Variants in BRAP observed in about 807,000 individuals in gnomAD.
The protein encoded by BRAP is BRCA1-associated protein.
A neutral mutation model predicts 73.4 loss-of-function variants in BRAP; 42 were observed. The ratio of observed to expected loss-of-function variants is 0.57; its 90% CI spans 0.45 to 0.74. The LOEUF (loss-of-function observed/expected upper bound fraction) is 0.74, where lower values mean the gene tolerates loss of function less well. Among genes scored for constraint, BRAP ranks in the 30% least tolerant of loss-of-function variants. The pLI, the probability that BRAP is intolerant of heterozygous loss-of-function variation, is 0.00. For synonymous variants in BRAP, 255 were observed against 267.4 expected, an observed-to-expected ratio of 0.95 and a Z score of 0.45; for missense variants, 593 against 751.4, an observed-to-expected ratio of 0.79 and a Z score of 2.46.
intron 2 of BRAP, 110 bp from the exon 3 acceptor site, chr12:111,681,945 C>T: frequency 3.1e-6 from 3 of 980,242 alleles, no homozygotes; most frequent in African/African-American, 3.3e-5. Context: ...AGAGTAATTA[C>T]AATGTAATGC....
intron 10 of BRAP, among the ~76,000 whole-genome samples, chr12:111,653,410 G>A (rs1886398789): frequency 6.6e-6 from 1 of 152,260 alleles, no homozygotes; most frequent in East Asian, 1.9e-4. Context: ...AATGGAGCTA[G>A]ACATCCACAA....
At chr12:111,673,604 T>A (rs1488223119) in intron 4 of BRAP, among the ~76,000 whole-genome samples, 1 of 151,450 alleles carries the variant, frequency 6.6e-6, no homozygotes, top group African/African-American at 2.4e-5. Flanking sequence ...AACCAACTAC[T>A]CTTTAATAAA....
At position 111,643,112 on chromosome 12, in the gene BRAP, TTA is replaced by T. The variant is rs1399125520; in HGVS notation, c.*1085_*1086del. 6.6e-6 allele frequency: 1 copy of T among 152,218 alleles called. No homozygotes were observed. Among genetic ancestry groups the T allele is most frequent in the Non-Finnish European group, 1.5e-5 (1 of 68,036 alleles). The allele number at this position is 152,218 out of a possible 1,614,324, so 9.4% of individuals were successfully genotyped here. A position where few individuals can be genotyped will look rare whatever the true frequency, so the allele number is the denominator to read the frequency against. On this transcript the variant is annotated 3_prime_UTR_variant, in exon 12 of 12. Transcript: ENST00000419234. ...CTGCAGGTTATAAATTATTTGACAT[TTA>T]TGGTTCCAGAGAGAGTACACAGCCC...
intron 5 of BRAP, among the ~76,000 whole-genome samples, chr12:111,670,852 C>G (rs1379116163): frequency 6.6e-6 from 1 of 152,150 alleles, no homozygotes; most frequent in Admixed American, 6.6e-5. Context: ...GTAATCCTAA[C>G]ACTTTGGGAG....
At chr12:111,668,668 T>A (rs1197975094) in intron 5 of BRAP, among the ~76,000 whole-genome samples, 5 of 151,938 alleles carry the variant, frequency 3.3e-5, no homozygotes, top group Admixed American at 2.0e-4. Context: ...TTTAATTTGT[T>A]TTTTTTGAGA....
Position 111,644,035 on chromosome 12 carries a change from T to G in BRAP, c.*164A>C, listed in dbSNP as rs1384801819. ...TCTATCAGCTCTCCAGTCAGCACCC[T>G]TTACATTCACTACATCACACACTAG... On this transcript the variant is annotated 3_prime_UTR_variant, in exon 12 of 12. Transcript: ENST00000419234. 2 of 1,136,630 alleles carry G rather than the reference T, an allele frequency of 1.8e-6. No homozygotes were observed. The highest frequency in any genetic ancestry group is 3.1e-5 in the African/African-American group (2 of 63,660). The allele number at this position is 1,136,630 out of a possible 1,614,324, so 70.4% of individuals were successfully genotyped here. A position where few individuals can be genotyped will look rare whatever the true frequency, so the allele number is the denominator to read the frequency against.
chr12:111,670,222 T>G, intron 5 of BRAP: 1 of 605,128 alleles, frequency 1.7e-6, no homozygotes, highest in East Asian at 4.2e-5. Flanking sequence ...CTTCTTCATC[T>G]GACCGTTTCT....
intron 5 of BRAP, chr12:111,669,757 T>C (rs1273032374): frequency 3.1e-6 from 1 of 319,844 alleles, no homozygotes; most frequent in East Asian, 6.5e-5. Context: ...AAAAAAAAAG[T>C]GGCTCCAAAA....
rs555941033 is a variant in BRAP at position 111,669,259 on chromosome 12, C to T, written c.747+3402G>A. Among the ~76,000 whole-genome samples, 111 of 148,894 alleles carry T rather than the reference C, an allele frequency of 7.5e-4. 1 individual carries two copies. Among genetic ancestry groups the T allele is most frequent in the African/African-American group, 2.6e-3 (106 of 40,416 alleles). ...TTTTTTTTTTTTTGAGACGGAGTTT[C>T]GCTCTTGTTGCCCAGGCTGGAGTGC... On this transcript the variant is annotated intron_variant, in intron 5 of 11. Transcript: ENST00000419234.
intron 9 of BRAP, among the ~76,000 whole-genome samples, chr12:111,656,161 TG>T (rs1886524335): frequency 6.6e-6 from 1 of 152,220 alleles, no homozygotes; most frequent in Non-Finnish European, 1.5e-5. Context: ...TCTCTACTGC[TG>T]TATCTCCAGT....
Position 111,658,798 on chromosome 12 carries a change from C to A in BRAP, c.1159G>T (p.Val387Leu). The change falls in exon 9 of 12, where the codon GTA (valine) becomes TTA (leucine). Residue 387 changes from valine (V) to leucine (L), a missense_variant. Physicochemically the swap from Val to Leu is conservative, Grantham distance 32 (BLOSUM62 1). Coordinates refer to ENST00000419234, the MANE Select transcript of BRAP (RefSeq NM_006768.5). ...LVASKTDGKI[V>L]QYECEGDTCQ... ...GTATCCCCCTCACATTCATACTGTA[C>A]TATTTTTCCATCTGTTTTACTTGCA... 6.2e-7 allele frequency: 1 copy of A among 1,613,100 alleles called. No homozygotes were observed. Among genetic ancestry groups the A allele is most frequent in the Non-Finnish European group, 8.5e-7 (1 of 1,179,228 alleles).
In BRAP at chr12:111,679,155, G is replaced by T. The variant is rs1887500716; in HGVS notation, c.629C>A (p.Ala210Glu). 6.5e-7 allele frequency: 1 copy of T among 1,545,670 alleles called. No individual in the cohort carries two copies. The highest frequency in any genetic ancestry group is 1.3e-5 in the South Asian group (1 of 79,824). The change falls in exon 4 of 12, where the codon GCA (alanine) becomes GAA (glutamate). Residue 210 changes from alanine (A) to glutamate (E), a missense_variant. Around this residue, in one of 4 missense-constraint regions of BRAP, gnomAD observed 304 missense variants for 337.7 expected, o/e 0.90. Coordinates refer to ENST00000419234, the MANE Select transcript of BRAP (RefSeq NM_006768.5). ...AATAAATTTAATAACTTTTACCTGT[G>T]CACGAAACTTTATCAGCACCATATA... ...NQYMVLIKFR[A>E]QADADSFYMT...
chr12:111,645,002 C>T (rs1443743836), intron 11 of BRAP, among the ~76,000 whole-genome samples: 1 of 151,466 alleles, frequency 6.6e-6, no homozygotes, highest in East Asian at 1.9e-4. Context: ...GGTGATCCAC[C>T]TGTCTCGGCC....
chr12:111,661,952 G>A (rs1299188255), intron 6 of BRAP, among the ~76,000 whole-genome samples: 3 of 152,040 alleles, frequency 2.0e-5, no homozygotes, highest in Admixed American at 1.3e-4. Context: ...GGGATAACAG[G>A]CATGAGCCAC....
intron 11 of BRAP, among the ~76,000 whole-genome samples, chr12:111,644,775 A>G (rs562716561): frequency 6.6e-6 from 1 of 152,112 alleles, no homozygotes; most frequent in East Asian, 1.9e-4. Flanking sequence ...TTTTTTTTTG[A>G]GACGGAGTTT....
At position 111,672,647 on chromosome 12, in the gene BRAP, C is replaced by T. The variant is rs773854166; in HGVS notation, c.747+14G>A. 8 of 1,594,828 alleles carry T rather than the reference C, an allele frequency of 5.0e-6. No individual in the cohort carries two copies. The East Asian group carries it at 8.9e-5, about 18-fold the overall frequency. On this transcript the variant is annotated intron_variant, in intron 5 of 11. Transcript: ENST00000419234. ...GATATATTTTAATTAAATATAGGAA[C>T]AATTCACACTTACATCTTCAGATTT...
chr12:111,645,981 T>C (rs60086337), intron 11 of BRAP, among the ~76,000 whole-genome samples: 2,369 of 151,046 alleles, frequency 0.016, 72 homozygotes, highest in African/African-American at 0.054. Context: ...CAGAACGAGA[T>C]CTTGTCTCAA....
rs780123572 is a variant in BRAP, at chr12:111,658,851, G to C, written c.1112-6C>G. ...CAGTCGATGAACATAGTTATCTACAGAAAGAGTCAACAAAAGTGTGTTTCT... is the reference window on the plus strand; with the variant it reads ...CAGTCGATGAACATAGTTATCTACACAAAGAGTCAACAAAAGTGTGTTTCT... On this transcript the variant is annotated splice_polypyrimidine_tract_variant and splice_region_variant and intron_variant, in intron 8 of 11. Coordinates refer to ENST00000419234, the MANE Select transcript of BRAP (RefSeq NM_006768.5). 1.3e-6 allele frequency: 2 copies of C among 1,589,120 alleles called. No individual in the cohort carries two copies. The highest frequency in any genetic ancestry group is 1.7e-5 in the Admixed American group (1 of 59,300).
At chr12:111,661,128 C>T (rs1293498261) in intron 6 of BRAP, among the ~76,000 whole-genome samples, 1 of 151,708 alleles carries the variant, frequency 6.6e-6, no homozygotes, top group Non-Finnish European at 1.5e-5. Flanking sequence ...TACAGGCATG[C>T]ACCACCACAC....
Sources: allele counts gnomAD v4.1 joint callset (sites outside exome capture counted in the v4.1 genomes callset), GRCh38; gene constraint gnomAD v4.1.1; regional missense constraint gnomAD v4.1.1; transcripts MANE v1.5; gene names NCBI Gene and HGNC (gene_info 2026-07-23, HGNC 2026-07-21).